DYNC1I1: variants seen among roughly 807,000 people sequenced by gnomAD.
DYNC1I1 encodes dynein cytoplasmic 1 intermediate chain 1, also known as cytoplasmic dynein 1 intermediate chain 1.
Under a neutral mutation model 86.6 loss-of-function variants are expected in DYNC1I1, and 43 were observed. That is an observed-to-expected ratio of 0.50 (90% CI 0.39 to 0.64). DYNC1I1 has a LOEUF of 0.64. DYNC1I1 is among the 30% of genes least tolerant of loss of function. The pLI, the probability that DYNC1I1 is intolerant of heterozygous loss-of-function variation, is 0.00. For synonymous variants in DYNC1I1, 262 were observed against 283.7 expected (o/e 0.92, Z 0.77); for missense variants, 604 against 788.8 (o/e 0.77, Z 2.81).
chr7:95,913,528 G>C (rs1185917222), intron 6 of DYNC1I1, among the ~76,000 whole-genome samples: 1 of 152,126 alleles, frequency 6.6e-6, no homozygotes, highest in African/African-American at 2.4e-5. Context: ...TTTTATAAAG[G>C]GCAGTTCCCC....
intron 6 of DYNC1I1, among the ~76,000 whole-genome samples, chr7:95,948,710 C>A (rs1792471209): frequency 6.6e-6 from 1 of 152,098 alleles, no homozygotes. Context: ...CCTAGTTCCC[C>A]CAACAACTCT....
intron 16 of DYNC1I1, among the ~76,000 whole-genome samples, chr7:96,106,268 C>T (rs1008089492): frequency 6.6e-6 from 1 of 151,980 alleles, no homozygotes; most frequent in African/African-American, 2.4e-5. Flanking sequence ...CACGGTGGCT[C>T]ACACCTGTAA....
intron 5 of DYNC1I1, among the ~76,000 whole-genome samples, chr7:95,863,394 T>TA (rs1255231326): frequency 6.6e-6 from 1 of 152,058 alleles, no homozygotes; most frequent in Non-Finnish European, 1.5e-5. Flanking sequence ...TTTGAGAGGG[T>TA]AACGAAAAGG....
chr7:96,069,350 A>G (rs1002097805), intron 14 of DYNC1I1, among the ~76,000 whole-genome samples: 3 of 152,198 alleles, frequency 2.0e-5, no homozygotes, highest in Admixed American at 6.5e-5. Flanking sequence ...GAGAATAGCA[A>G]TCAAGAGAAC....
intron 12 of DYNC1I1, among the ~76,000 whole-genome samples, 162 bp from the exon 13 acceptor site, chr7:96,035,457 T>C (rs1176731165): frequency 6.6e-6 from 1 of 152,166 alleles, no homozygotes; most frequent in African/African-American, 2.4e-5. Flanking sequence ...CACAGAAGCA[T>C]GAATGTCAGG....
intron 9 of DYNC1I1, among the ~76,000 whole-genome samples, chr7:95,988,999 C>T (rs1309810714): frequency 6.6e-6 from 1 of 152,126 alleles, no homozygotes; most frequent in Admixed American, 6.5e-5. Flanking sequence ...ATGCTCTTAA[C>T]CACTGCCTCT....
Position 95,810,506 on chromosome 7 carries a change from G to A in DYNC1I1, c.223G>A (p.Val75Ile), listed in dbSNP as rs1287433659. Residue 75 changes from valine (V) to isoleucine (I), a missense_variant and splice_region_variant, in exon 3 of 17, where the codon GTC (valine) becomes ATC (isoleucine). By Grantham distance (29) the Val-to-Ile change is conservative (BLOSUM62 3). Coordinates refer to ENST00000447467, the MANE Select transcript of DYNC1I1 (RefSeq NM_001135556.2). ...SIGISPEPPL[V>I]PTPMSPSSKS... ...TGGTATCTCACCGGAGCCGCCTCTA[G>A]GTACTTAAAAGTGCTTCCTGTTACT... is the stretch of plus-strand genomic sequence containing the variant. The A allele has an allele frequency of 6.2e-7, 1 of 1,610,228 alleles. No homozygotes were observed. The highest frequency in any genetic ancestry group is 2.2e-5 in the East Asian group (1 of 44,784).
chr7:96,050,165 C>G (rs2116101348), intron 14 of DYNC1I1, among the ~76,000 whole-genome samples: 1 of 152,048 alleles, frequency 6.6e-6, no homozygotes, highest in South Asian at 2.1e-4. Context: ...ATTCACATGT[C>G]TAACATAATA....
In DYNC1I1 at chr7:95,816,359, T is replaced by C. The variant is rs558851753; in HGVS notation, c.314+3022T>C. On this transcript the variant is annotated intron_variant, in intron 4 of 16. Transcript: ENST00000447467. ...TTTTTAAGAGCAGTTGAGAAAATTT[T>C]AAAAAATGGGTAGAGAGTAGAAATA... Among the ~76,000 whole-genome samples the C allele has an allele frequency of 1.6e-4, 24 of 152,222 alleles. No homozygotes were observed. The East Asian group carries it at 2.5e-3, about 16-fold the overall frequency.
intron 16 of DYNC1I1, among the ~76,000 whole-genome samples, chr7:96,082,841 A>C (rs976829708): frequency 1.3e-5 from 2 of 152,180 alleles, no homozygotes; most frequent in South Asian, 4.1e-4. Flanking sequence ...CTAGGATGCT[A>C]TCATCATTTC....
Position 96,000,589 on chromosome 7 carries a change from T to G in DYNC1I1, c.969+4516T>G, listed in dbSNP as rs532836882. On this transcript the variant is annotated intron_variant, in intron 10 of 16. Coordinates refer to ENST00000447467, the MANE Select transcript of DYNC1I1 (RefSeq NM_001135556.2). ...AATGCAGACATCCCAAAACACTTCT[T>G]TTCTGCCAATTGAGAATGACCGATC... is the stretch of plus-strand genomic sequence containing the variant. Among the ~76,000 whole-genome samples, 310 of 152,310 alleles carry G rather than the reference T, an allele frequency of 2.0e-3. 2 individuals are homozygous for G. Among genetic ancestry groups the G allele is most frequent in the Non-Finnish European group, 3.7e-3 (254 of 68,018 alleles).
At chr7:95,857,582 G>A (rs998508724) in intron 5 of DYNC1I1, among the ~76,000 whole-genome samples, 3 of 152,102 alleles carry the variant, frequency 2.0e-5, no homozygotes, top group East Asian at 1.9e-4. Context: ...AGAACATAAT[G>A]GGTTTCAATT....
chr7:95,870,912 C>T (rs902985961), intron 6 of DYNC1I1, among the ~76,000 whole-genome samples: 1 of 152,026 alleles, frequency 6.6e-6, no homozygotes, highest in Non-Finnish European at 1.5e-5. Context: ...ACTCTTTTTA[C>T]TTTATGTTAT....
chr7:96,077,770 C>A (rs910852769), intron 15 of DYNC1I1, among the ~76,000 whole-genome samples: 1 of 152,106 alleles, frequency 6.6e-6, no homozygotes, highest in Non-Finnish European at 1.5e-5. Flanking sequence ...TCTACAAACT[C>A]CTTAACAATT....
At chr7:96,037,609 T>A (rs1296901205) in intron 13 of DYNC1I1, among the ~76,000 whole-genome samples, 3 of 152,216 alleles carry the variant, frequency 2.0e-5, no homozygotes, top group Non-Finnish European at 4.4e-5. Flanking sequence ...CTACGAAGGC[T>A]ATAGAATACA....
At chr7:95,945,764 G>A (rs533644605) in intron 6 of DYNC1I1, among the ~76,000 whole-genome samples, 75 of 152,216 alleles carry the variant, frequency 4.9e-4, no homozygotes, top group African/African-American at 1.8e-3. Flanking sequence ...TATTTTTAGT[G>A]AAGAATTAGT....
chr7:95,780,018 A>G (rs1010939484), intron 1 of DYNC1I1, among the ~76,000 whole-genome samples: 2 of 151,258 alleles, frequency 1.3e-5, no homozygotes, highest in African/African-American at 4.9e-5. Flanking sequence ...TCCTTTTTGA[A>G]CCCCTTAGGC....
At chr7:95,982,929 C>T (rs1283091038) in intron 7 of DYNC1I1, among the ~76,000 whole-genome samples, 1 of 152,132 alleles carries the variant, frequency 6.6e-6, no homozygotes, top group Non-Finnish European at 1.5e-5. Context: ...TAAATTGCTA[C>T]TTCATTAGTA....
chr7:95,909,642 C>T (rs1157991228), intron 6 of DYNC1I1, among the ~76,000 whole-genome samples: 1 of 152,110 alleles, frequency 6.6e-6, no homozygotes, highest in Non-Finnish European at 1.5e-5. Flanking sequence ...CACCCCCTTG[C>T]TTAAAACCCT....
Sources: gnomAD v4.1 joint callset for allele counts (sites outside exome capture counted in the v4.1 genomes callset) on GRCh38, gnomAD v4.1.1 for gene constraint, MANE v1.5 for transcripts, NCBI Gene and HGNC (gene_info 2026-07-23, HGNC 2026-07-21) for gene names.